Variants in SH3GL3 observed in about 807,000 individuals in gnomAD.
The protein encoded by SH3GL3 is endophilin-A3.
In SH3GL3, 33 loss-of-function variants were observed where a neutral mutation model predicts 47.7. The observed-to-expected ratio is 0.69, with a 90% CI of 0.52 to 0.92. The LOEUF (loss-of-function observed/expected upper bound fraction) is 0.92, where lower values mean the gene tolerates loss of function less well. Ranked by LOEUF, SH3GL3 falls within the 40% of genes least tolerant of loss-of-function variation. The probability of loss-of-function intolerance (pLI) is 0.00; values close to 1 mark genes in which losing one functional copy is unlikely to be tolerated. For synonymous variants in SH3GL3, 155 were observed against 148.8 expected (o/e 1.04, Z -0.30); for missense variants, 363 against 417.8 (o/e 0.87, Z 1.14).
chr15:83,587,165 C>G, intron 7 of SH3GL3, 79 bp downstream of exon 7: 1 of 717,232 alleles, frequency 1.4e-6, no homozygotes, highest in African/African-American at 1.8e-5. Flanking sequence ...GTCTCTCCAT[C>G]TCTCCATCTC....
rs71156085 is a variant in SH3GL3 at position 83,541,312 on chromosome 15, A to ATTTTTTTTT, written c.46-17910_46-17902dup. ...GATGGCTGGATCATATGGTAATTCT[A>ATTTTTTTTT]TTTTTTTTTTTTTTTTTTTTTTTTT... On this transcript the variant is annotated intron_variant, in intron 1 of 8. Coordinates refer to ENST00000427482, the MANE Select transcript of SH3GL3 (RefSeq NM_003027.5). Among the ~76,000 whole-genome samples the ATTTTTTTTT allele has an allele frequency of 1.6e-3, 78 of 47,366 alleles. 25 individuals are homozygous for ATTTTTTTTT. The highest frequency in any genetic ancestry group is 9.2e-3 in the East Asian group (10 of 1,088). The allele number at this position is 47,366 out of a possible 152,430, so 31.1% of individuals were successfully genotyped here.
At chr15:83,489,388 T>C (rs973451082) in intron 1 of SH3GL3, 4 of 152,206 alleles carry the variant, frequency 2.6e-5, no homozygotes. Context: ...CTGGTCCCAT[T>C]TCCTGTTTCC....
chr15:83,545,721 G>C (rs768221737), intron 1 of SH3GL3, among the ~76,000 whole-genome samples: 1 of 152,212 alleles, frequency 6.6e-6, no homozygotes, highest in Non-Finnish European at 1.5e-5. Context: ...TTTGGTCACT[G>C]CAGCTATATG....
intron 6 of SH3GL3, among the ~76,000 whole-genome samples, chr15:83,585,910 A>C (rs2059941762): frequency 6.6e-6 from 1 of 152,238 alleles, no homozygotes; most frequent in African/African-American, 2.4e-5. Context: ...TTGCAACTAC[A>C]AATGAAAGTA....
chr15:83,541,879 G>T (rs910525923), intron 1 of SH3GL3, among the ~76,000 whole-genome samples: 2 of 152,088 alleles, frequency 1.3e-5, no homozygotes, highest in Non-Finnish European at 2.9e-5. Context: ...TTGTCAGATG[G>T]ATAGTTTGTA....
intron 3 of SH3GL3, among the ~76,000 whole-genome samples, chr15:83,566,365 A>AGAGTGTGTGTGT (rs1459069703): frequency 2.6e-4 from 36 of 136,694 alleles, no homozygotes; most frequent in Middle Eastern, 4.0e-3. Flanking sequence ...AGAGAGAGAG[A>AGAGTGTGTGTGT]GTGTGTGTGT....
chr15:83,458,516 A>G (rs2040110973), intron 1 of SH3GL3, among the ~76,000 whole-genome samples: 2 of 152,214 alleles, frequency 1.3e-5, no homozygotes, highest in Non-Finnish European at 2.9e-5. Context: ...TCCGTGGTAG[A>G]GGCTGCTGAT....
Position 83,447,524 on chromosome 15 carries a change from C to T in SH3GL3, c.-10C>T, listed in dbSNP as rs1236266438. 2.0e-6 allele frequency: 3 copies of T among 1,502,466 alleles called. No individual in the cohort carries two copies. The highest frequency in any genetic ancestry group is 2.7e-6 in the Non-Finnish European group (3 of 1,123,790). 93.1% of individuals were successfully genotyped at this position (1,502,466 alleles called of 1,614,324 possible). A position where few individuals can be genotyped will look rare whatever the true frequency, so the allele number is the denominator to read the frequency against. ...TTGAGACCACCCCGCCCCTGCCGGT[C>T]GCAGTCGCGATGTCGGTGGCCGGGC... On this transcript the variant is annotated 5_prime_UTR_variant, in exon 1 of 9. Coordinates refer to ENST00000427482, the MANE Select transcript of SH3GL3 (RefSeq NM_003027.5). This position sits in a 1 kb window ranked among gnomAD's most constrained non-coding sequence, Gnocchi z 5.1.
At chr15:83,540,636 T>A (rs1348469696) in intron 1 of SH3GL3, among the ~76,000 whole-genome samples, 1 of 152,194 alleles carries the variant, frequency 6.6e-6, no homozygotes, top group Non-Finnish European at 1.5e-5. Flanking sequence ...AATTTAAAAT[T>A]TCTATGGGTA....
chr15:83,492,461 CT>C (rs1476962251), intron 1 of SH3GL3, among the ~76,000 whole-genome samples: 2 of 151,772 alleles, frequency 1.3e-5, no homozygotes, highest in East Asian at 1.9e-4. Flanking sequence ...ATGAAAGAAA[CT>C]TTGAAGGGAC....
intron 1 of SH3GL3, among the ~76,000 whole-genome samples, chr15:83,501,751 G>C (rs183723013): frequency 6.6e-6 from 1 of 152,078 alleles, no homozygotes; most frequent in African/African-American, 2.4e-5. Flanking sequence ...AATTAGCCAG[G>C]TGTAGAGGCC....
intron 8 of SH3GL3, among the ~76,000 whole-genome samples, chr15:83,604,585 G>A (rs1328500990): frequency 1.3e-5 from 2 of 152,020 alleles, no homozygotes; most frequent in Non-Finnish European, 2.9e-5. Context: ...CCTCATAACC[G>A]TACTCCAAGG....
At chr15:83,582,667 G>C (rs2059860965) in intron 6 of SH3GL3, among the ~76,000 whole-genome samples, 1 of 152,170 alleles carries the variant, frequency 6.6e-6, no homozygotes, top group Admixed American at 6.5e-5. Flanking sequence ...TTTCAGGACT[G>C]TAATGTGTGG....
At chr15:83,623,994 C>G in the SH3GL3 span, among the ~76,000 whole-genome samples, 1 of 152,100 alleles carries the variant, frequency 6.6e-6, no homozygotes, top group Non-Finnish European at 1.5e-5. Context: ...ACCATGTTGG[C>G]CAGGCTGGTC....
chr15:83,453,679 C>T (rs1333483772), intron 1 of SH3GL3, among the ~76,000 whole-genome samples: 3 of 117,110 alleles, frequency 2.6e-5, no homozygotes, highest in African/African-American at 9.6e-5. Context: ...TTTATTGTGT[C>T]TATTTGATTC....
chr15:83,522,294 T>G (rs940589156), intron 1 of SH3GL3, among the ~76,000 whole-genome samples: 1 of 152,184 alleles, frequency 6.6e-6, no homozygotes, highest in African/African-American at 2.4e-5. Flanking sequence ...GATCACTTCG[T>G]TCAAGCAGAT....
intron 1 of SH3GL3, among the ~76,000 whole-genome samples, chr15:83,518,301 G>A (rs543315942): frequency 2.0e-5 from 3 of 152,232 alleles, no homozygotes; most frequent in East Asian, 3.9e-4. Flanking sequence ...TAAGTTCTTT[G>A]AGAAATCTCC....
intron 1 of SH3GL3, among the ~76,000 whole-genome samples, chr15:83,461,207 G>T (rs1182027309): frequency 1.3e-5 from 2 of 151,718 alleles, no homozygotes; most frequent in African/African-American, 2.4e-5. Flanking sequence ...CCACAGTTTT[G>T]ATTTTTCTCA....
At chr15:83,582,669 A>G (rs1020302669) in intron 6 of SH3GL3, among the ~76,000 whole-genome samples, 1 of 152,184 alleles carries the variant, frequency 6.6e-6, no homozygotes, top group African/African-American at 2.4e-5. Context: ...TCAGGACTGT[A>G]ATGTGTGGAA....
Sources: gnomAD v4.1 joint callset for allele counts (sites outside exome capture counted in the v4.1 genomes callset) on GRCh38, gnomAD v4.1.1 for gene constraint, Gnocchi (gnomAD v3.1) non-coding constraint, MANE v1.5 for transcripts, NCBI Gene and HGNC (gene_info 2026-07-23, HGNC 2026-07-21) for gene names.